The following COL23A1 variants were observed in gnomAD, a reference collection of about 807,000 sequenced individuals.
COL23A1 encodes collagen alpha-1(XXIII) chain.
Under a neutral mutation model 99.3 loss-of-function variants are expected in COL23A1, and 97 were observed. The ratio of observed to expected loss-of-function variants is 0.98; its 90% CI spans 0.83 to 1.16. The LOEUF is 1.16. COL23A1 is among the 50% of genes most tolerant of loss of function. The probability of loss-of-function intolerance (pLI) is 0.00; values close to 1 mark genes in which losing one functional copy is unlikely to be tolerated. For synonymous variants in COL23A1, 320 were observed against 308.2 expected (o/e 1.04, Z -0.40); for missense variants, 762 against 757.4 (o/e 1.01, Z -0.07).
At chr5:178,465,918 G>A (rs1414760371) in intron 2 of COL23A1, among the ~76,000 whole-genome samples, 1 of 152,170 alleles carries the variant, frequency 6.6e-6, no homozygotes, top group African/African-American at 2.4e-5. Flanking sequence ...TCCGGATGGC[G>A]AGTCTAACTC....
chr5:178,589,915 G>C lies in COL23A1; in HGVS notation c.283C>G (p.Leu95Val). ...GCCAAGACGCTCACCTCCCGCAGCAGGCGCTCCAGGTGCGGCTCGGCCCAG... is the reference window on the plus strand; with the variant it reads ...GCCAAGACGCTCACCTCCCGCAGCACGCGCTCCAGGTGCGGCTCGGCCCAG... ...DAWAEPHLER[L>V]LREKLDGLAK... The change falls in exon 1 of 29, where the codon CTG becomes GTG. Residue 95 changes from leucine to valine, a missense_variant. By Grantham distance (32) the Leu-to-Val change is conservative (BLOSUM62 1). Transcript: ENST00000390654. The surrounding 1 kb of genome is among the most constrained non-coding windows in gnomAD (Gnocchi z 5.4). 7.6e-7 allele frequency: 1 copy of C among 1,316,606 alleles called. No individual in the cohort carries two copies. The highest frequency in any genetic ancestry group is 9.6e-7 in the Non-Finnish European group (1 of 1,038,788). The allele number at this position is 1,316,606 out of a possible 1,614,324, so 81.6% of individuals were successfully genotyped here. A position where few individuals can be genotyped will look rare whatever the true frequency, so the allele number is the denominator to read the frequency against.
chr5:178,491,991 C>T (rs593536), intron 2 of COL23A1, among the ~76,000 whole-genome samples: 103,365 of 151,946 alleles, frequency 0.68, 35,874 homozygotes, highest in Non-Finnish European at 0.75. Flanking sequence ...TGCCTCGGCC[C>T]CCCAAAGTAC....
At position 178,308,373 on chromosome 5, in the gene COL23A1, G is replaced by A. The variant is rs1187758910; in HGVS notation, c.362-1454C>T. ...AACAAAACTTAAAAATGAAAAACAT[G>A]TTACTTCTTGCTCCCCTGAGTTTTA... On this transcript the variant is annotated intron_variant, in intron 2 of 28. Coordinates refer to ENST00000390654, the MANE Select transcript of COL23A1 (RefSeq NM_173465.4). This position sits in a 1 kb window ranked among gnomAD's most constrained non-coding sequence, Gnocchi z 5.1. Among the ~76,000 whole-genome samples, 1 of 152,170 alleles carries A rather than the reference G, an allele frequency of 6.6e-6. No individual in the cohort carries two copies. The highest frequency in any genetic ancestry group is 1.9e-4 in the East Asian group (1 of 5,180).
At chr5:178,425,209 G>C (rs1765846942) in intron 2 of COL23A1, among the ~76,000 whole-genome samples, 1 of 152,124 alleles carries the variant, frequency 6.6e-6, no homozygotes, top group Non-Finnish European at 1.5e-5. Context: ...GATCACCTGA[G>C]GTCAGGAGTT....
At chr5:178,358,697 ATGTG>A (rs1446539810) in intron 2 of COL23A1, among the ~76,000 whole-genome samples, 33 of 113,882 alleles carry the variant, frequency 2.9e-4, no homozygotes, top group South Asian at 6.2e-4. Context: ...GTGTGTATGT[ATGTG>A]TATGTGTGTA....
chr5:178,503,797 T>C (rs1334364427), intron 2 of COL23A1, among the ~76,000 whole-genome samples: 2 of 152,114 alleles, frequency 1.3e-5, no homozygotes, highest in Admixed American at 1.3e-4. Flanking sequence ...TTTGAAATTA[T>C]TTTAAATAAA....
intron 12 of COL23A1, 125 bp from the exon 13 acceptor site, chr5:178,257,692 A>C (rs1452030896): frequency 4.2e-6 from 4 of 958,420 alleles, no homozygotes; most frequent in Non-Finnish European, 6.5e-6. Context: ...GGTACCAGGC[A>C]GCTCCTCCCC....
chr5:178,553,362 C>T (rs1163844824), intron 2 of COL23A1, among the ~76,000 whole-genome samples: 5 of 152,164 alleles, frequency 3.3e-5, no homozygotes, highest in Non-Finnish European at 7.3e-5. Flanking sequence ...ATTGTGCTTT[C>T]TACGGTCCTA....
At chr5:178,450,192 T>A (rs1561982593) in intron 2 of COL23A1, among the ~76,000 whole-genome samples, 1 of 152,062 alleles carries the variant, frequency 6.6e-6, no homozygotes. Flanking sequence ...GGCCACCTGG[T>A]GTAGGTGAGA....
chr5:178,321,129 CTG>C (rs1015807830), intron 2 of COL23A1, among the ~76,000 whole-genome samples: 44 of 152,230 alleles, frequency 2.9e-4, no homozygotes, highest in African/African-American at 1.1e-3. Context: ...TCTGTAAAAA[CTG>C]TGGTAGAATA....
At position 178,354,919 on chromosome 5, in the gene COL23A1, A is replaced by G. The variant is rs116158416; in HGVS notation, c.362-48000T>C. Among the ~76,000 whole-genome samples the G allele has an allele frequency of 6.2e-3, 944 of 152,100 alleles. 3 individuals are homozygous for G. The highest frequency in any genetic ancestry group is 0.027 in the Middle Eastern group (8 of 294). On this transcript the variant is annotated intron_variant, in intron 2 of 28. Transcript: ENST00000390654. ...TAAAAATACAAAAAATTAGTTGGGC[A>G]TGGTGGTGTGAGCCTGTGGTCCCAG... is the stretch of plus-strand genomic sequence containing the variant.
intron 2 of COL23A1, among the ~76,000 whole-genome samples, chr5:178,364,364 G>T (rs1762342081): frequency 6.6e-6 from 1 of 152,074 alleles, no homozygotes; most frequent in Non-Finnish European, 1.5e-5. Context: ...TCTTGGTTTG[G>T]GATTGGCAGC....
intron 2 of COL23A1, among the ~76,000 whole-genome samples, chr5:178,394,293 A>G (rs1764115416): frequency 6.6e-6 from 1 of 152,204 alleles, no homozygotes. Flanking sequence ...AGGCTGGCAC[A>G]GAACAGTGCC....
chr5:178,521,439 G>C (rs1057042219), intron 2 of COL23A1, among the ~76,000 whole-genome samples: 1 of 151,886 alleles, frequency 6.6e-6, no homozygotes, highest in Admixed American at 6.6e-5. Context: ...TGTATTCCCA[G>C]CTACTCGGGA....
chr5:178,340,091 T>A lies in COL23A1; in HGVS notation c.362-33172A>T, dbSNP rs1760569170. On this transcript the variant is annotated intron_variant, in intron 2 of 28. Coordinates refer to ENST00000390654, the MANE Select transcript of COL23A1 (RefSeq NM_173465.4). The surrounding 1 kb of genome is among the most constrained non-coding windows in gnomAD (Gnocchi z 4.7). The stretch of plus-strand genomic sequence containing the variant: ...CGGGTTAGGGAGATGAATTCTGGTG[T>A]TGCCTGTCTCTAGCTGTTTGACCTT... Among the ~76,000 whole-genome samples the A allele has an allele frequency of 6.6e-6, 1 of 152,118 alleles. No homozygotes were observed.
chr5:178,421,328 C>T (rs897493378), intron 2 of COL23A1, among the ~76,000 whole-genome samples: 1 of 152,260 alleles, frequency 6.6e-6, no homozygotes, highest in South Asian at 2.1e-4. Context: ...AACCAGAACC[C>T]GCCCTTACTA....
At chr5:178,561,926 C>A (rs761144236) in intron 1 of COL23A1, 4 of 345,188 alleles carry the variant, frequency 1.2e-5, no homozygotes, top group South Asian at 2.4e-5. Flanking sequence ...ACCGGAAAGG[C>A]GCTTCACAGT....
At chr5:178,463,672 C>G (rs1018216763) in intron 2 of COL23A1, among the ~76,000 whole-genome samples, 2 of 152,328 alleles carry the variant, frequency 1.3e-5, no homozygotes, top group African/African-American at 4.8e-5. Context: ...GAGCGGGACA[C>G]AGGCTTCCCC....
In COL23A1 at chr5:178,309,626, C is replaced by T. The variant is rs958444188; in HGVS notation, c.362-2707G>A. On this transcript the variant is annotated intron_variant, in intron 2 of 28. Coordinates refer to ENST00000390654, the MANE Select transcript of COL23A1 (RefSeq NM_173465.4). This position sits in a 1 kb window ranked among gnomAD's most constrained non-coding sequence, Gnocchi z 4.7. ...CACTTCCAAACTCAAGCTCACCTCC[C>T]GACTTCCCACGCGCCCCCTGCCTCC... is the stretch of plus-strand genomic sequence containing the variant. Among the ~76,000 whole-genome samples the T allele has an allele frequency of 1.3e-5, 2 of 152,038 alleles. No individual in the cohort carries two copies. Among genetic ancestry groups the T allele is most frequent in the African/African-American group, 2.4e-5 (1 of 41,352 alleles).
Sources: allele counts gnomAD v4.1 joint callset (sites outside exome capture counted in the v4.1 genomes callset), GRCh38; gene constraint gnomAD v4.1.1; non-coding constraint Gnocchi (gnomAD v3.1); transcripts MANE v1.5; gene names NCBI Gene and HGNC (gene_info 2026-07-23, HGNC 2026-07-21).